RNF6: variants seen among roughly 807,000 people sequenced by gnomAD.
The protein encoded by RNF6 is E3 ubiquitin-protein ligase RNF6.
In RNF6, 21 loss-of-function variants were observed where a neutral mutation model predicts 50.1. The ratio of observed to expected loss-of-function variants is 0.42; its 90% CI spans 0.30 to 0.60. The LOEUF is 0.60. Ranked by LOEUF, RNF6 falls within the 20% of genes least tolerant of loss-of-function variation. RNF6 has a pLI of 0.20. For missense variants in RNF6, 698 were observed against 838.2 expected (o/e 0.83, Z 2.07); for synonymous variants, 255 against 291.8 (o/e 0.87, Z 1.29).
At chr13:26,205,221 G>A (rs61946798) in intron 5 of RNF6, among the ~76,000 whole-genome samples, 71 of 98,034 alleles carry the variant, frequency 7.2e-4, no homozygotes, top group African/African-American at 2.0e-3. Context: ...AGTACTTGGA[G>A]TACAATAAGT....
chr13:26,218,577 G>A lies in RNF6; in HGVS notation c.223C>T (p.Arg75Trp), dbSNP rs778366821. The A allele has an allele frequency of 2.5e-6, 4 of 1,613,816 alleles. No individual in the cohort carries two copies. The highest frequency in any genetic ancestry group is 2.5e-6 in the Non-Finnish European group (3 of 1,179,824). The change falls in exon 4 of 5, where the codon CGG becomes TGG. Residue 75 changes from arginine to tryptophan, a missense_variant. By Grantham distance (101) the Arg-to-Trp change is moderately radical (BLOSUM62 -3). Transcript: ENST00000381588. The part of the protein sequence containing the change: ...GEITSEELQQ[R>W]LDGVKEQLAS... ...AGTTGTTCCTTGACGCCATCTAACC[G>A]CTGTTGCAGTTCTTCTGATGTTATT...
chr13:26,159,420 C>A (rs112388573), intron 5 of RNF6, among the ~76,000 whole-genome samples: 1 of 151,918 alleles, frequency 6.6e-6, no homozygotes, highest in Non-Finnish European at 1.5e-5. Flanking sequence ...GTCAGCAGAT[C>A]GAGACCATCC....
chr13:26,165,524 C>G (rs200837192), intron 5 of RNF6, among the ~76,000 whole-genome samples: 1 of 152,138 alleles, frequency 6.6e-6, no homozygotes, highest in Non-Finnish European at 1.5e-5. Flanking sequence ...CCTGGAAAAG[C>G]CACAGACACT....
chr13:26,184,220 A>C (rs1278969169), intron 5 of RNF6, among the ~76,000 whole-genome samples: 1 of 151,308 alleles, frequency 6.6e-6, no homozygotes, highest in Non-Finnish European at 1.5e-5. Flanking sequence ...TTTAGCAGAG[A>C]CGGGGTTCCA....
intron 5 of RNF6, among the ~76,000 whole-genome samples, chr13:26,186,480 G>T (rs1432359234): frequency 6.6e-6 from 1 of 152,214 alleles, no homozygotes; most frequent in Non-Finnish European, 1.5e-5. Context: ...TCGCGCTACC[G>T]ACTGGCAGTC....
At chr13:26,155,722 T>G (rs1871884845) in intron 5 of RNF6, among the ~76,000 whole-genome samples, 1 of 152,086 alleles carries the variant, frequency 6.6e-6, no homozygotes, top group African/African-American at 2.4e-5. Flanking sequence ...ACCTTGTCAG[T>G]AGGGGAATAG....
intron 5 of RNF6, among the ~76,000 whole-genome samples, chr13:26,184,853 G>A (rs949837068): frequency 7.2e-5 from 11 of 152,162 alleles, no homozygotes; most frequent in Non-Finnish European, 1.6e-4. Flanking sequence ...CAGAAGGCAG[G>A]CGATCCAAAG....
chr13:26,165,398 G>A (rs933433955), intron 5 of RNF6, among the ~76,000 whole-genome samples: 1 of 152,308 alleles, frequency 6.6e-6, no homozygotes, highest in South Asian at 2.1e-4. Flanking sequence ...AGAAATGTGG[G>A]GTTGGAGCCT....
chr13:26,184,029 T>A (rs1244567637), intron 5 of RNF6, among the ~76,000 whole-genome samples: 153 of 40,764 alleles, frequency 3.8e-3, no homozygotes, highest in Middle Eastern at 0.017. Flanking sequence ...TTTTTTTTTT[T>A]TTTTTTTTTT....
In RNF6 at chr13:26,215,489, G is replaced by A. The variant is rs1869778177; in HGVS notation, c.393C>T (p.Asn131=). The A allele has an allele frequency of 1.2e-6, 2 of 1,614,032 alleles. No homozygotes were observed. The highest frequency in any genetic ancestry group is 8.5e-7 in the Non-Finnish European group (1 of 1,180,022). The part of the protein sequence containing the change: ...GNATRSGQNG[N]QTWRAVSRTN... ...TTCGACTCACAGCTCTCCAAGTTTG[G>A]TTCCCATTTTGTCCACTTCGAGTTG... Residue 131 remains asparagine (N), a synonymous_variant, in exon 5 of 5, where the codon AAC becomes AAT. Coordinates refer to ENST00000381588, the MANE Select transcript of RNF6 (RefSeq NM_005977.4).
In RNF6 at chr13:26,214,922, G is replaced by A. The variant is rs1405302397; in HGVS notation, c.960C>T (p.Gly320=). 1.2e-6 allele frequency: 2 copies of A among 1,614,108 alleles called. No homozygotes were observed. Among genetic ancestry groups the A allele is most frequent in the African/African-American group, 1.3e-5 (1 of 74,926 alleles). The change falls in exon 5 of 5, where the codon GGC becomes GGT. Residue 320 remains glycine (G), a synonymous_variant. Transcript: ENST00000381588. Reference sequence around the variant, plus strand: ...CCCTTTGGGAATTATGATAAACAGTGCCACTCTGTCTCTGAATTGGTGAAC... The same window carrying A: ...CCCTTTGGGAATTATGATAAACAGTACCACTCTGTCTCTGAATTGGTGAAC... ...RSRSPIQRQS[G]TVYHNSQRES...
intron 5 of RNF6, among the ~76,000 whole-genome samples, chr13:26,163,224 A>C (rs1872296449): frequency 6.6e-6 from 1 of 152,092 alleles, no homozygotes; most frequent in South Asian, 2.1e-4. Flanking sequence ...AGGCAGGAGA[A>C]TGGCGTGAAC....
chr13:26,186,434 G>A (rs9553758), intron 5 of RNF6, among the ~76,000 whole-genome samples: 97,702 of 151,926 alleles, frequency 0.64, 32,074 homozygotes, highest in Middle Eastern at 0.72. Flanking sequence ...GGACGCGCCG[G>A]GGGGCGTCTG....
intron 5 of RNF6, among the ~76,000 whole-genome samples, chr13:26,172,265 G>A (rs1401832572): frequency 1.2e-5 from 1 of 81,758 alleles, no homozygotes; most frequent in East Asian, 4.5e-4. Flanking sequence ...GGAACAGCTG[G>A]TTAGCACTAT....
chr13:26,197,565 G>T (rs1868721354), intron 5 of RNF6, among the ~76,000 whole-genome samples: 1 of 151,758 alleles, frequency 6.6e-6, no homozygotes, highest in South Asian at 2.1e-4. Flanking sequence ...TCCTGACACT[G>T]CTCAAGCCCT....
downstream of RNF6, among the ~76,000 whole-genome samples, chr13:26,211,543 G>A (rs925107387): frequency 6.6e-6 from 1 of 152,166 alleles, no homozygotes; most frequent in Non-Finnish European, 1.5e-5. Flanking sequence ...CGGATCATGA[G>A]GTGAGGAGTT....
rs190992450 is a variant in RNF6, at chr13:26,188,394, T to G, written n.768+27080A>C. On this transcript the variant is annotated intron_variant and non_coding_transcript_variant, in intron 5 of 5. Coordinates refer to the RNF6 transcript ENST00000468480. ...AAGGGCAACTGACTCTTGAGACCAG[T>G]GAATCTGTAGTCAAAACGCACTGAT... is the stretch of plus-strand genomic sequence containing the variant. Among the ~76,000 whole-genome samples the G allele has an allele frequency of 1.2e-4, 19 of 152,294 alleles. 1 individual carries two copies. The East Asian group carries it at 3.5e-3, about 28-fold the overall frequency.
At chr13:26,175,943 T>G (rs1872938270) in intron 5 of RNF6, among the ~76,000 whole-genome samples, 2 of 152,228 alleles carry the variant, frequency 1.3e-5, no homozygotes, top group Middle Eastern at 3.4e-3. Context: ...TGGAGGAGAT[T>G]GGAACACAGC....
At chr13:26,160,510 C>T (rs1872145707) in intron 5 of RNF6, among the ~76,000 whole-genome samples, 1 of 149,062 alleles carries the variant, frequency 6.7e-6, no homozygotes, top group Non-Finnish European at 1.5e-5. Context: ...AGGCTTATGC[C>T]ACTGCATCCA....
Sources: gnomAD v4.1 joint callset for allele counts (sites outside exome capture counted in the v4.1 genomes callset) on GRCh38, gnomAD v4.1.1 for gene constraint, MANE v1.5 for transcripts, NCBI Gene and HGNC (gene_info 2026-07-23, HGNC 2026-07-21) for gene names.